SORCS1: variants seen among roughly 807,000 people sequenced by gnomAD.
The protein encoded by SORCS1 is sortilin related VPS10 domain containing receptor 1.
A neutral mutation model predicts 146.1 loss-of-function variants in SORCS1; 60 were observed. The observed-to-expected ratio is 0.41, with a 90% CI of 0.33 to 0.51. The LOEUF is 0.51. Ranked by LOEUF, SORCS1 falls within the 20% of genes least tolerant of loss-of-function variation. The pLI is 0.21. For synonymous variants in SORCS1, 637 were observed against 584.0 expected, an observed-to-expected ratio of 1.09 and a Z score of -1.31; for missense variants, 1,352 against 1,487.6, an observed-to-expected ratio of 0.91 and a Z score of 1.50.
At chr10:107,051,754 T>C (rs1211249135) in intron 1 of SORCS1, among the ~76,000 whole-genome samples, 1 of 152,152 alleles carries the variant, frequency 6.6e-6, no homozygotes, top group African/African-American at 2.4e-5. Context: ...AATTTAACAT[T>C]TATAAAATGA....
chr10:107,078,794 G>C (rs1010066684), intron 1 of SORCS1, among the ~76,000 whole-genome samples: 8 of 152,270 alleles, frequency 5.3e-5, no homozygotes, highest in Middle Eastern at 3.4e-3. Context: ...GCCACTTACT[G>C]TTTCACTGTG....
intron 8 of SORCS1, among the ~76,000 whole-genome samples, chr10:106,706,166 C>A (rs1854503500): frequency 7.3e-6 from 1 of 136,240 alleles, no homozygotes; most frequent in African/African-American, 2.8e-5. Flanking sequence ...ATGAATGTTC[C>A]TATAGCAACA....
chr10:106,843,209 A>T (rs899329204), intron 2 of SORCS1, among the ~76,000 whole-genome samples: 1 of 152,100 alleles, frequency 6.6e-6, no homozygotes, highest in Admixed American at 6.6e-5. Flanking sequence ...TTATTCATCC[A>T]ATAGTGAAAA....
At chr10:107,010,420 G>A (rs972683038) in intron 1 of SORCS1, among the ~76,000 whole-genome samples, 1 of 110,290 alleles carries the variant, frequency 9.1e-6, no homozygotes, top group Non-Finnish European at 1.8e-5. Context: ...TTGCTCACAA[G>A]GCATAACTTT....
intron 9 of SORCS1, among the ~76,000 whole-genome samples, chr10:106,696,974 G>A (rs901174773): frequency 3.9e-5 from 6 of 152,156 alleles, no homozygotes; most frequent in South Asian, 4.1e-4. Flanking sequence ...AGGATAGAAC[G>A]AGGGCTAGGA....
chr10:106,609,139 T>C (rs1474828599), intron 22 of SORCS1, among the ~76,000 whole-genome samples: 1 of 152,182 alleles, frequency 6.6e-6, no homozygotes. Flanking sequence ...GCTGATGCTT[T>C]TGAAGCCTGG....
At chr10:107,017,033 C>T (rs3918639) in intron 1 of SORCS1, among the ~76,000 whole-genome samples, 15,415 of 152,130 alleles carry the variant, frequency 0.1, 1,768 homozygotes, top group African/African-American at 0.28. Context: ...AATGTGGAGC[C>T]ACTGGAACTC....
intron 5 of SORCS1, among the ~76,000 whole-genome samples, chr10:106,733,777 AAG>A (rs1445120203): frequency 1.3e-5 from 2 of 152,208 alleles, no homozygotes; most frequent in Non-Finnish European, 2.9e-5. Flanking sequence ...TCTCTATCCA[AAG>A]ACGTTGGTAA....
intron 1 of SORCS1, among the ~76,000 whole-genome samples, chr10:107,079,732 A>G (rs1963180326): frequency 6.6e-6 from 1 of 152,196 alleles, no homozygotes; most frequent in Non-Finnish European, 1.5e-5. Flanking sequence ...CAATCTGACT[A>G]GAACCCTAGA....
intron 1 of SORCS1, among the ~76,000 whole-genome samples, chr10:107,039,090 G>A (rs999454256): frequency 1.3e-5 from 2 of 152,144 alleles, no homozygotes; most frequent in East Asian, 1.9e-4. Flanking sequence ...AGCACTTTGG[G>A]AGGCTGAGGC....
chr10:106,922,606 C>G (rs1952766640), intron 2 of SORCS1, among the ~76,000 whole-genome samples: 1 of 152,156 alleles, frequency 6.6e-6, no homozygotes, highest in South Asian at 2.1e-4. Context: ...TCCTGTCCCC[C>G]TCCCTTGTAC....
intron 1 of SORCS1, among the ~76,000 whole-genome samples, chr10:107,104,342 A>G (rs1212462682): frequency 6.6e-6 from 1 of 152,194 alleles, no homozygotes; most frequent in Non-Finnish European, 1.5e-5. Flanking sequence ...AGAAGTTCCT[A>G]TTATCCACTA....
chr10:107,147,286 C>T (rs889298317), intron 1 of SORCS1, among the ~76,000 whole-genome samples: 7 of 152,138 alleles, frequency 4.6e-5, no homozygotes, highest in South Asian at 2.1e-4. Context: ...GCAACATGGG[C>T]GCTGGTTCTC....
intron 1 of SORCS1, among the ~76,000 whole-genome samples, chr10:106,986,493 TAAG>T (rs1233012953): frequency 3.4e-5 from 5 of 149,146 alleles, no homozygotes; most frequent in Admixed American, 1.4e-4. Context: ...AGTTGATTCT[TAAG>T]AATATATATA....
chr10:107,141,033 G>A (rs1431113187), intron 1 of SORCS1, among the ~76,000 whole-genome samples: 2 of 152,282 alleles, frequency 1.3e-5, no homozygotes, highest in South Asian at 2.1e-4. Flanking sequence ...AGCATATTTA[G>A]TTCAGTCTCT....
chr10:106,863,909 G>A (rs1950124715), intron 2 of SORCS1, among the ~76,000 whole-genome samples: 1 of 151,836 alleles, frequency 6.6e-6, no homozygotes, highest in South Asian at 2.1e-4. Context: ...AATGCTTTGA[G>A]ATGAACACTG....
In SORCS1 at chr10:106,703,766, G is replaced by T. The variant is rs758389647; in HGVS notation, c.1233+2779C>A. On this transcript the variant is annotated intron_variant, in intron 8 of 25. Coordinates refer to ENST00000263054, the MANE Select transcript of SORCS1 (RefSeq NM_052918.5). ...GCCATGAAATATATGCACCTTTGTT[G>T]CAGATCATTCCACCCAAGCTGGGGT... 1.9e-3 allele frequency among the ~76,000 whole-genome samples: 295 copies of T among 152,274 alleles called. 4 individuals carry two copies. The highest frequency in any genetic ancestry group is 4.4e-3 in the Admixed American group (67 of 15,300).
At chr10:106,861,602 CCTCAA>C (rs1439350694) in intron 2 of SORCS1, among the ~76,000 whole-genome samples, 1 of 151,820 alleles carries the variant, frequency 6.6e-6, no homozygotes, top group Non-Finnish European at 1.5e-5. Flanking sequence ...GTTCAAATAC[CCTCAA>C]TTGGCCGGGC....
intron 24 of SORCS1, among the ~76,000 whole-genome samples, chr10:106,595,160 T>C (rs1845833197): frequency 6.6e-6 from 1 of 152,190 alleles, no homozygotes. Context: ...AAGTTGGCAG[T>C]GGCAGCCTTT....
Sources: gnomAD v4.1 joint callset for allele counts (sites outside exome capture counted in the v4.1 genomes callset) on GRCh38, gnomAD v4.1.1 for gene constraint, MANE v1.5 for transcripts, NCBI Gene and HGNC (gene_info 2026-07-23, HGNC 2026-07-21) for gene names.